KIAA0825: variants seen among roughly 807,000 people sequenced by gnomAD.
The protein encoded by KIAA0825 is uncharacterized protein KIAA0825.
In KIAA0825, 119 loss-of-function variants were observed where a neutral mutation model predicts 147.6. That is an observed-to-expected ratio of 0.81 (90% CI 0.69 to 0.94). The LOEUF (loss-of-function observed/expected upper bound fraction) is 0.94. KIAA0825 is among the 40% of genes least tolerant of loss of function. KIAA0825 has a pLI of 0.00. For missense variants in KIAA0825, 1,381 were observed against 1,472.7 expected (o/e 0.94, Z 1.02); for synonymous variants, 470 against 518.1 (o/e 0.91, Z 1.26).
At chr5:94,613,831 C>G (rs769918210) in intron 1 of KIAA0825, among the ~76,000 whole-genome samples, 3 of 152,314 alleles carry the variant, frequency 2.0e-5, no homozygotes, top group South Asian at 2.1e-4. Context: ...AGGAGGACAA[C>G]GAGGTGAGAG....
chr5:94,396,011 G>A (rs1475210048), intron 17 of KIAA0825, 90 bp downstream of exon 17: 4 of 1,188,870 alleles, frequency 3.4e-6, no homozygotes, highest in African/African-American at 3.1e-5. Context: ...TACTACTGCT[G>A]CCCATCTGAC....
intron 17 of KIAA0825, among the ~76,000 whole-genome samples, chr5:94,395,401 G>A (rs1750505638): frequency 6.6e-6 from 1 of 152,186 alleles, no homozygotes; most frequent in African/African-American, 2.4e-5. Context: ...TGTAGACCAT[G>A]TGAGCTGGAA....
chr5:94,458,471 A>G (rs1416291985), intron 12 of KIAA0825, among the ~76,000 whole-genome samples: 3 of 152,210 alleles, frequency 2.0e-5, no homozygotes, highest in African/African-American at 7.2e-5. Context: ...AGGTGGAGAG[A>G]GAGAAAGACT....
intron 20 of KIAA0825, among the ~76,000 whole-genome samples, chr5:94,371,888 C>T (rs997181894): frequency 6.6e-6 from 1 of 152,150 alleles, no homozygotes; most frequent in Non-Finnish European, 1.5e-5. Context: ...GTCCCTCAGC[C>T]TATAAGCCTG....
At position 94,386,341 on chromosome 5, in the gene KIAA0825, G is replaced by T. The variant is rs1749138529; in HGVS notation, c.3520C>A (p.Pro1174Thr). ...SSEEKPLPIR[P>T]LKTTLRSIED... ...ATACTCCTCAAGGTCGTCTTTAAAG[G>T]TCGGATGGGTAATGGCTTTTCCTCT... Residue 1174 changes from proline (P) to threonine (T), a missense_variant, in exon 19 of 21, where the codon CCT (proline) becomes ACT (threonine). Pro to Thr is a conservative substitution (Grantham distance 38). Coordinates refer to ENST00000682413, the MANE Select transcript of KIAA0825 (RefSeq NM_001145678.3). 6.4e-7 allele frequency: 1 copy of T among 1,551,628 alleles called. No individual in the cohort carries two copies. Among genetic ancestry groups the T allele is most frequent in the Non-Finnish European group, 8.7e-7 (1 of 1,146,826 alleles).
chr5:94,563,195 C>A (rs149749054), intron 2 of KIAA0825, among the ~76,000 whole-genome samples: 25 of 140,242 alleles, frequency 1.8e-4, no homozygotes, highest in Admixed American at 2.9e-4. Flanking sequence ...CCAAAAAAAA[C>A]AAAAAAAAAA....
At chr5:94,458,277 T>C (rs1759375722) in intron 12 of KIAA0825, among the ~76,000 whole-genome samples, 1 of 152,148 alleles carries the variant, frequency 6.6e-6, no homozygotes, top group African/African-American at 2.4e-5. Context: ...AAATGATAAT[T>C]TGAGGTTAGA....
chr5:94,484,216 G>A (rs7706253), intron 6 of KIAA0825, among the ~76,000 whole-genome samples: 13,344 of 151,442 alleles, frequency 0.088, 1,276 homozygotes, highest in African/African-American at 0.24. Context: ...TTTATTGATC[G>A]TTTATGATAT....
intron 20 of KIAA0825, among the ~76,000 whole-genome samples, chr5:94,331,082 C>A (rs533223595): frequency 1.3e-5 from 2 of 150,878 alleles, no homozygotes; most frequent in East Asian, 3.9e-4. Flanking sequence ...AAGTTGCAGT[C>A]CAAGATCATG....
chr5:94,443,761 C>T (rs1441949515), intron 13 of KIAA0825, among the ~76,000 whole-genome samples: 2 of 152,124 alleles, frequency 1.3e-5, no homozygotes, highest in African/African-American at 4.8e-5. Flanking sequence ...AAAATCTTAG[C>T]TGTATCAATC....
intron 20 of KIAA0825, among the ~76,000 whole-genome samples, chr5:94,167,966 A>G (rs1466282121): frequency 1.3e-5 from 2 of 151,108 alleles, no homozygotes; most frequent in Non-Finnish European, 1.5e-5. Context: ...ATTTTACAAA[A>G]ATATCTCACA....
At chr5:94,499,094 A>G (rs775639281) in intron 5 of KIAA0825, among the ~76,000 whole-genome samples, 1 of 152,178 alleles carries the variant, frequency 6.6e-6, no homozygotes, top group Non-Finnish European at 1.5e-5. Context: ...TTTAGAAAAA[A>G]TTGCTCGTGG....
chr5:94,417,714 G>T (rs1753651072), intron 14 of KIAA0825, among the ~76,000 whole-genome samples: 1 of 152,146 alleles, frequency 6.6e-6, no homozygotes, highest in East Asian at 1.9e-4. Context: ...TCTAATTTAA[G>T]AATAATAGAC....
chr5:94,482,584 G>A (rs1030603065), intron 6 of KIAA0825, among the ~76,000 whole-genome samples: 3 of 152,098 alleles, frequency 2.0e-5, no homozygotes, highest in Non-Finnish European at 4.4e-5. Context: ...TCCATTTCAA[G>A]GAGTCTTTTC....
chr5:94,341,256 G>A (rs113100093), intron 20 of KIAA0825, among the ~76,000 whole-genome samples: 15 of 152,278 alleles, frequency 9.9e-5, no homozygotes, highest in African/African-American at 3.6e-4. Context: ...ATATCAGACA[G>A]AGAGTTTTGT....
intron 20 of KIAA0825, among the ~76,000 whole-genome samples, chr5:94,378,473 T>C (rs1747899490): frequency 6.6e-6 from 1 of 152,258 alleles, no homozygotes; most frequent in Admixed American, 6.5e-5. Flanking sequence ...CTGTAGTGTA[T>C]ATATGTCACA....
chr5:94,600,251 T>C (rs887464668), intron 1 of KIAA0825, among the ~76,000 whole-genome samples: 3 of 152,106 alleles, frequency 2.0e-5, no homozygotes, highest in Non-Finnish European at 2.9e-5. Context: ...TGTGGAGAAA[T>C]TGAAACCCTC....
chr5:94,463,203 A>T (rs1760051771), intron 11 of KIAA0825, among the ~76,000 whole-genome samples: 1 of 151,582 alleles, frequency 6.6e-6, no homozygotes, highest in African/African-American at 2.4e-5. Context: ...AGGGACCCGA[A>T]GATCTCTTTA....
chr5:94,365,488 C>T (rs2150423609), intron 20 of KIAA0825, among the ~76,000 whole-genome samples: 1 of 152,340 alleles, frequency 6.6e-6, no homozygotes, highest in Admixed American at 6.5e-5. Flanking sequence ...AAATCCACAG[C>T]TGGACACAGG....
Sources: gnomAD v4.1 joint callset for allele counts (sites outside exome capture counted in the v4.1 genomes callset) on GRCh38, gnomAD v4.1.1 for gene constraint, MANE v1.5 for transcripts, NCBI Gene and HGNC (gene_info 2026-07-23, HGNC 2026-07-21) for gene names.